Variants in FGF11 observed in about 807,000 individuals in gnomAD.
FGF11 encodes fibroblast growth factor homologous factor 3.
A neutral mutation model predicts 25.1 loss-of-function variants in FGF11; 25 were observed. That is an observed-to-expected ratio of 1.00 (90% CI 0.73 to 1.39). The LOEUF is 1.39. FGF11 is among the 40% of genes most tolerant of loss of function. FGF11 has a pLI of 0.00. For missense variants in FGF11, 320 were observed against 311.0 expected (o/e 1.03, Z -0.22); for synonymous variants, 130 against 128.9 (o/e 1.01, Z -0.06).
intron 4 of FGF11, 73 bp downstream of exon 4, chr17:7,442,865 C>T: frequency 6.8e-7 from 1 of 1,464,698 alleles, no homozygotes; most frequent in African/African-American, 1.4e-5. Context: ...TAGGGGCAGA[C>T]AGCTCAGGCT....
At chr17:7,439,842 GC>G in intron 1 of FGF11, 29 bp downstream of exon 1, 1 of 1,397,328 alleles carries the variant, frequency 7.2e-7, no homozygotes, top group Admixed American at 3.7e-5. Context: ...GGGTCTCCCG[GC>G]CAGAGGTTTC....
At chr17:7,439,289 T>G (rs1433792794), upstream of FGF11, 3 of 242,096 alleles carry the variant, frequency 1.2e-5, no homozygotes, top group South Asian at 1.5e-4. Flanking sequence ...TAGTGGGTCT[T>G]GGCTTTGGGA....
chr17:7,443,291 C>G lies in FGF11; in HGVS notation c.*145C>G. The G allele has an allele frequency of 1.7e-6, 1 of 591,240 alleles. No individual in the cohort carries two copies. The highest frequency in any genetic ancestry group is 2.2e-5 in the South Asian group (1 of 46,356). 36.6% of individuals were successfully genotyped at this position (591,240 alleles called of 1,614,324 possible). ...CACTAGGTGCTCTACCCTGAGGGAGCCTAGGGGCTGACTGTGACTTCCGAG... is the reference window on the plus strand; with the variant it reads ...CACTAGGTGCTCTACCCTGAGGGAGGCTAGGGGCTGACTGTGACTTCCGAG... On this transcript the variant is annotated 3_prime_UTR_variant, in exon 5 of 5. Coordinates refer to ENST00000293829, the MANE Select transcript of FGF11 (RefSeq NM_004112.4).
At position 7,439,657 on chromosome 17, in the gene FGF11, C is replaced by T; in HGVS notation, c.37C>T (p.Arg13Trp). The T allele has an allele frequency of 6.6e-7, 1 of 1,513,816 alleles. No individual in the cohort carries two copies. Among genetic ancestry groups the T allele is most frequent in the Non-Finnish European group, 8.8e-7 (1 of 1,138,728 alleles). 93.8% of individuals were successfully genotyped at this position (1,513,816 alleles called of 1,614,324 possible). A position where few individuals can be genotyped will look rare whatever the true frequency, so the allele number is the denominator to read the frequency against. Residue 13 changes from arginine (R) to tryptophan (W), a missense_variant, in exon 1 of 5, where the codon CGG becomes TGG. Coordinates refer to ENST00000293829, the MANE Select transcript of FGF11 (RefSeq NM_004112.4). ...GGCCAGTAGCCTGATCCGGCAGAAG[C>T]GGGAGGTCCGCGAGCCCGGGGGCAG... ...ALASSLIRQK[R>W]EVREPGGSRP...
In FGF11 at chr17:7,443,638, C is replaced by T. The variant is rs769097353; in HGVS notation, c.*492C>T. On this transcript the variant is annotated 3_prime_UTR_variant, in exon 5 of 5. Coordinates refer to ENST00000293829, the MANE Select transcript of FGF11 (RefSeq NM_004112.4). ...CACATTCTGGAACACTGGACACCCT[C>T]GCCAGGGCCACTTCTGCACTAGGGC... The T allele has an allele frequency of 1.3e-5, 2 of 154,468 alleles. No homozygotes were observed. Among genetic ancestry groups the T allele is most frequent in the South Asian group, 2.0e-4 (1 of 4,954 alleles). 9.6% of individuals were successfully genotyped at this position (154,468 alleles called of 1,614,324 possible).
Position 7,440,574 on chromosome 17 carries a change from T to C in FGF11, c.193+761T>C, listed in dbSNP as rs906326725. 97 of 805,156 alleles carry C rather than the reference T, an allele frequency of 1.2e-4. No homozygotes were observed. Among genetic ancestry groups the C allele is most frequent in the Non-Finnish European group, 1.4e-4 (94 of 665,404 alleles). The allele number at this position is 805,156 out of a possible 1,614,324, so 49.9% of individuals were successfully genotyped here. ...AGGGAAGTCGGCAGAGAGCAAGCGA[T>C]GGGGGAGGAGAGTTGTGAGAGTTAG... On this transcript the variant is annotated intron_variant, in intron 1 of 4. Coordinates refer to ENST00000293829, the MANE Select transcript of FGF11 (RefSeq NM_004112.4). This position sits in a 1 kb window ranked among gnomAD's most constrained non-coding sequence, Gnocchi z 5.4.
chr17:7,439,602 T>C lies in FGF11; in HGVS notation c.-19T>C. ...CTCCGGGCGCCTGCCGGTTTGGGGG[T>C]GTCTCCTCCCGGGGCGCTATGGCGG... On this transcript the variant is annotated 5_prime_UTR_variant, in exon 1 of 5. Transcript: ENST00000293829. 4 of 1,398,418 alleles carry C rather than the reference T, an allele frequency of 2.9e-6. No homozygotes were observed. The highest frequency in any genetic ancestry group is 3.7e-6 in the Non-Finnish European group (4 of 1,084,762). 86.6% of individuals were successfully genotyped at this position (1,398,418 alleles called of 1,614,324 possible).
At chr17:7,441,092 C>A in intron 1 of FGF11, 1 of 403,130 alleles carries the variant, frequency 2.5e-6, no homozygotes, top group Non-Finnish European at 3.7e-6. Flanking sequence ...CAAGATCCCC[C>A]ACCTTCGCAA....
Position 7,443,219 on chromosome 17 carries a change from C to A in FGF11, c.*73C>A. 1.1e-6 allele frequency: 1 copy of A among 936,430 alleles called. No homozygotes were observed. The highest frequency in any genetic ancestry group is 1.7e-6 in the Non-Finnish European group (1 of 594,092). 58.0% of individuals were successfully genotyped at this position (936,430 alleles called of 1,614,324 possible). ...CACCACCACAACCTGTCTCCCAGTC[C>A]TGCTCTCACCCCTGCTGCCACACAC... is the stretch of plus-strand genomic sequence containing the variant. On this transcript the variant is annotated 3_prime_UTR_variant, in exon 5 of 5. Coordinates refer to ENST00000293829, the MANE Select transcript of FGF11 (RefSeq NM_004112.4).
In FGF11 at chr17:7,439,719, CG is replaced by C. The variant is rs780857607; in HGVS notation, c.101del (p.Gly34AlafsTer73). ...CGGCGCAGCGGCGCGTGTGTCCCCG[CG>C]GCACCAAGTCCCTTTGCCAGAAGCA... ...VSAQRRVCPR[G>X]TKSLCQKQLL... On this transcript the variant is annotated frameshift_variant, in exon 1 of 5. Coordinates refer to ENST00000293829, the MANE Select transcript of FGF11 (RefSeq NM_004112.4). LOFTEE classifies it high-confidence loss of function. The C allele has an allele frequency of 1.6e-5, 25 of 1,572,194 alleles. No individual in the cohort carries two copies. The highest frequency in any genetic ancestry group is 1.1e-5 in the Non-Finnish European group (13 of 1,164,076).
At position 7,439,554 on chromosome 17, in the gene FGF11, C is replaced by G; in HGVS notation, c.-67C>G. The G allele has an allele frequency of 7.7e-7, 1 of 1,294,964 alleles. No individual in the cohort carries two copies. The highest frequency in any genetic ancestry group is 1.0e-6 in the Non-Finnish European group (1 of 1,001,058). The allele number at this position is 1,294,964 out of a possible 1,614,324, so 80.2% of individuals were successfully genotyped here. A position where few individuals can be genotyped will look rare whatever the true frequency, so the allele number is the denominator to read the frequency against. On this transcript the variant is annotated 5_prime_UTR_variant, in exon 1 of 5. Transcript: ENST00000293829. ...TCAAGAGCATGCCCTAGTGAGCGGG[C>G]TCCTCTGGGGGAGCCCAGCGCGCTC...
chr17:7,441,191 C>A, intron 1 of FGF11: 1 of 374,330 alleles, frequency 2.7e-6, no homozygotes, highest in Non-Finnish European at 5.0e-6. Context: ...CACTCCTTCC[C>A]CCTTCTGGTT....
upstream of FGF11, chr17:7,439,479 G>A (rs1908207645): frequency 4.9e-6 from 3 of 613,676 alleles, no homozygotes; most frequent in Admixed American, 4.1e-5. Flanking sequence ...GGGGGGTCTG[G>A]GGCTTATCCT....
intron 3 of FGF11, chr17:7,442,178 C>A: frequency 2.6e-6 from 1 of 383,014 alleles, no homozygotes; most frequent in Non-Finnish European, 4.7e-6. Context: ...TTACTCACTT[C>A]CCTAGAGTCA....
Position 7,439,791 on chromosome 17 carries a change from C to A in FGF11, c.171C>A (p.Pro57=), listed in dbSNP as rs1908228843. The A allele has an allele frequency of 2.1e-6, 3 of 1,457,192 alleles. No individual in the cohort carries two copies. The highest frequency in any genetic ancestry group is 1.5e-5 in the African/African-American group (1 of 66,988). The allele number at this position is 1,457,192 out of a possible 1,614,324, so 90.3% of individuals were successfully genotyped here. The stretch of plus-strand genomic sequence containing the variant: ...AGGTGCGACTGTGCGGGGGGCGGCC[C>A]GCGCGGCCGGACCGCGGCCCGGGTG... The part of the protein sequence containing the change: ...LSKVRLCGGR[P]ARPDRGPEPQ... Residue 57 remains proline, a synonymous_variant, in exon 1 of 5, where the codon CCC becomes CCA. Transcript: ENST00000293829.
chr17:7,444,257 T>C lies in FGF11; in HGVS notation c.*1111T>C, dbSNP rs1417928835. ...TTTTGGAAGGATCCCTGGCTCATAG[T>C]AGGGAAGCTGGGATGGGGGAGGGGT... On this transcript the variant is annotated 3_prime_UTR_variant, in exon 5 of 5. Transcript: ENST00000293829. 1 of 152,554 alleles carries C rather than the reference T, an allele frequency of 6.6e-6. No individual in the cohort carries two copies. The highest frequency in any genetic ancestry group is 2.4e-5 in the African/African-American group (1 of 41,430). The allele number at this position is 152,554 out of a possible 1,614,324, so 9.5% of individuals were successfully genotyped here.
chr17:7,443,121 C>A lies in FGF11; in HGVS notation c.653C>A (p.Ser218Tyr), dbSNP rs1342780456. The part of the protein sequence containing the change: ...EPSLHSVPEA[S>Y]PSSPPAP ...TCTCTCCACAGTGTCCCCGAGGCCT[C>A]CCCTTCCAGTCCCCCTGCCCCCTGA... The change falls in exon 5 of 5, where the codon TCC (serine) becomes TAC (tyrosine). Residue 218 changes from serine to tyrosine, a missense_variant. By Grantham distance (144) the Ser-to-Tyr change is moderately radical (BLOSUM62 -2). Transcript: ENST00000293829. 3 of 1,610,126 alleles carry A rather than the reference C, an allele frequency of 1.9e-6. No individual in the cohort carries two copies. The highest frequency in any genetic ancestry group is 2.5e-6 in the Non-Finnish European group (3 of 1,176,866).
rs760464104 is a variant in FGF11 at position 7,441,455 on chromosome 17, A to G, written c.194-16A>G. 3 of 1,613,854 alleles carry G rather than the reference A, an allele frequency of 1.9e-6. No homozygotes were observed. In the South Asian group the frequency reaches 3.3e-5, roughly 18 times the overall value. ...ACGGAGATGTCATTTTCAAAGATGA[A>G]TGTCTCTCTCTCCAGAGCCTCAGCT... On this transcript the variant is annotated splice_polypyrimidine_tract_variant and intron_variant, in intron 1 of 4. Coordinates refer to ENST00000293829, the MANE Select transcript of FGF11 (RefSeq NM_004112.4).
In FGF11 at chr17:7,443,113, C is replaced by G. The variant is rs201355356; in HGVS notation, c.645C>G (p.Pro215=). The G allele has an allele frequency of 1.2e-6, 2 of 1,611,946 alleles. No homozygotes were observed. Among genetic ancestry groups the G allele is most frequent in the Middle Eastern group, 1.7e-4 (1 of 6,052 alleles). ...MYQEPSLHSV[P]EASPSSPPAP ...AGGAGCCTTCTCTCCACAGTGTCCC[C>G]GAGGCCTCCCCTTCCAGTCCCCCTG... The change falls in exon 5 of 5, where the codon CCC becomes CCG. Residue 215 remains proline, a synonymous_variant. Transcript: ENST00000293829.
Sources: gnomAD v4.1 joint callset for allele counts on GRCh38, gnomAD v4.1.1 for gene constraint, Gnocchi (gnomAD v3.1) non-coding constraint, MANE v1.5 for transcripts, NCBI Gene and HGNC (gene_info 2026-07-23, HGNC 2026-07-21) for gene names.